Variants in ANKRD26 observed in about 807,000 individuals in gnomAD.
The protein encoded by ANKRD26 is ankyrin repeat domain 26, also known as ankyrin repeat domain-containing protein 26.
In ANKRD26, 141 loss-of-function variants were observed where a neutral mutation model predicts 208.7. That is an observed-to-expected ratio of 0.68 (90% CI 0.59 to 0.78). The LOEUF is 0.78. ANKRD26 is among the 30% of genes least tolerant of loss of function. The probability of loss-of-function intolerance (pLI) is 0.00; values close to 1 mark genes in which losing one functional copy is unlikely to be tolerated. For missense variants in ANKRD26, 1,889 were observed against 1,938.7 expected (o/e 0.97, Z 0.48); for synonymous variants, 636 against 660.4 (o/e 0.96, Z 0.57).
chr10:26,972,166 C>T (rs12260834), downstream of ANKRD26, among the ~76,000 whole-genome samples: 7,935 of 148,646 alleles, frequency 0.053, 678 homozygotes, highest in African/African-American at 0.18. Flanking sequence ...TCCCGGGAGG[C>T]GGAGCTTGCA....
At chr10:26,989,577 T>C (rs2052449699), downstream of ANKRD26, among the ~76,000 whole-genome samples, 1 of 152,206 alleles carries the variant, frequency 6.6e-6, no homozygotes, top group Non-Finnish European at 1.5e-5. Context: ...TTCTTTATGC[T>C]TCGCAACTCA....
intron 12 of ANKRD26, chr10:27,062,246 C>T: frequency 2.1e-6 from 2 of 966,824 alleles, no homozygotes; most frequent in Non-Finnish European, 2.5e-6. Context: ...ATTTCTCCAT[C>T]TCTTTGTTTC....
chr10:26,972,816 G>A (rs541585815), downstream of ANKRD26, among the ~76,000 whole-genome samples: 3 of 151,776 alleles, frequency 2.0e-5, no homozygotes, highest in African/African-American at 7.3e-5. Flanking sequence ...GGTCTCGATC[G>A]CCTGACCTTG....
Position 27,097,681 on chromosome 10 carries a change from G to A in ANKRD26, c.242+2404C>T, listed in dbSNP as rs575095045. ...TTTTGTTTTTTTGAGATGGAGTCTC[G>A]CTCTGTCACCCAGGGTGGATTGCAG... On this transcript the variant is annotated intron_variant, in intron 1 of 33. Transcript: ENST00000376087. Among the ~76,000 whole-genome samples the A allele has an allele frequency of 2.0e-4, 31 of 151,494 alleles. No homozygotes were observed. In the South Asian group the frequency reaches 5.0e-3, roughly 25 times the overall value.
At chr10:26,988,489 A>T (rs2052426681), downstream of ANKRD26, among the ~76,000 whole-genome samples, 1 of 152,156 alleles carries the variant, frequency 6.6e-6, no homozygotes, top group Non-Finnish European at 1.5e-5. Flanking sequence ...GAGTCCTCTA[A>T]ATCACACTTT....
intron 20 of ANKRD26, among the ~76,000 whole-genome samples, 183 bp downstream of exon 20, chr10:27,043,243 A>G (rs1206463230): frequency 6.6e-6 from 1 of 152,166 alleles, no homozygotes; most frequent in East Asian, 1.9e-4. Flanking sequence ...CAAAAAATAT[A>G]GCTAATAAAG....
At chr10:27,060,274 T>C in intron 15 of ANKRD26, 71 bp downstream of exon 15, 1 of 1,324,258 alleles carries the variant, frequency 7.6e-7, no homozygotes, top group African/African-American at 1.5e-5. Flanking sequence ...AAGAAAACTG[T>C]GAGCATTTCA....
In ANKRD26 at chr10:27,004,888, T is replaced by C. The variant is rs2052815885; in HGVS notation, c.*702A>G. The C allele has an allele frequency of 3.8e-6, 1 of 264,116 alleles. No individual in the cohort carries two copies. Among genetic ancestry groups the C allele is most frequent in the Non-Finnish European group, 5.9e-6 (1 of 170,622 alleles). 16.4% of individuals were successfully genotyped at this position (264,116 alleles called of 1,614,324 possible). On this transcript the variant is annotated 3_prime_UTR_variant, in exon 34 of 34. Transcript: ENST00000376087. ...GAATGTATTAATGTTGACTTTCTGA[T>C]TGCAAGGTTTGCACTGTAGTTATGT...
chr10:27,017,613 T>C lies in ANKRD26; in HGVS notation c.4395A>G (p.Ile1465Met), dbSNP rs1296048391. 4 of 1,613,562 alleles carry C rather than the reference T, an allele frequency of 2.5e-6. No homozygotes were observed. In the African/African-American group the frequency reaches 4.0e-5, roughly 16 times the overall value. ...GACCAAGTTCTACCATATTCCTTTC[T>C]ATATGACTTCTCAGGTTGATCACTT... ...EQEVINLRSHIERNMVELGQV... is the reference protein window; with the variant it reads ...EQEVINLRSHMERNMVELGQV... The change falls in exon 30 of 34, where the codon ATA (isoleucine) becomes ATG (methionine). Residue 1465 changes from isoleucine to methionine, a missense_variant. Transcript: ENST00000376087.
intron 27 of ANKRD26, among the ~76,000 whole-genome samples, chr10:27,027,159 G>A (rs200098914): frequency 6.6e-6 from 1 of 152,218 alleles, no homozygotes; most frequent in East Asian, 1.9e-4. Flanking sequence ...TAGGAGCACT[G>A]TGTTATTCTG....
chr10:27,039,175 C>T (rs1017305001), intron 21 of ANKRD26, among the ~76,000 whole-genome samples: 8 of 151,892 alleles, frequency 5.3e-5, no homozygotes, highest in African/African-American at 1.5e-4. Flanking sequence ...TTGTTCTGGC[C>T]GGGAACGGTG....
At chr10:26,959,670 G>T in the ANKRD26 span, among the ~76,000 whole-genome samples, 1 of 150,780 alleles carries the variant, frequency 6.6e-6, no homozygotes, top group African/African-American at 2.4e-5. Flanking sequence ...AGTAGAGACG[G>T]GGTTTCACCA....
rs1328329029 is a variant in ANKRD26, at chr10:27,061,320, A to G, written c.1364-78T>C. The G allele has an allele frequency of 4.5e-6, 4 of 894,336 alleles. No homozygotes were observed. In the South Asian group the frequency reaches 6.1e-5, roughly 14 times the overall value. 55.4% of individuals were successfully genotyped at this position (894,336 alleles called of 1,614,324 possible). ...AAAAATTTAATTGCCACAGAATTAG[A>G]TATTAATAACATTTTATATTTCAAA... On this transcript the variant is annotated intron_variant, in intron 12 of 33. Coordinates refer to ENST00000376087, the MANE Select transcript of ANKRD26 (RefSeq NM_014915.3).
chr10:26,949,510 AATTT>A, the ANKRD26 span, among the ~76,000 whole-genome samples: 5 of 151,804 alleles, frequency 3.3e-5, no homozygotes, highest in African/African-American at 1.2e-4. Context: ...TTTATTTATT[AATTT>A]ATTTATTTTT....
chr10:27,087,540 C>A (rs2056163772), intron 4 of ANKRD26, among the ~76,000 whole-genome samples: 1 of 152,184 alleles, frequency 6.6e-6, no homozygotes, highest in Admixed American at 6.5e-5. Flanking sequence ...TTTCCAATCC[C>A]AGTGAATTTC....
intron 16 of ANKRD26, among the ~76,000 whole-genome samples, chr10:27,052,512 A>G (rs1388925892): frequency 6.6e-6 from 1 of 151,990 alleles, no homozygotes; most frequent in Non-Finnish European, 1.5e-5. Flanking sequence ...GAAAGTTTAA[A>G]TTATTAGGAG....
intron 9 of ANKRD26, among the ~76,000 whole-genome samples, chr10:27,071,159 A>ATTTT (rs71386906): frequency 0.011 from 985 of 85,824 alleles, 60 homozygotes; most frequent in African/African-American, 0.036. Flanking sequence ...TGCTACATTC[A>ATTTT]TTTTTTTTTT....
At chr10:27,085,235 G>T (rs1328103446) in intron 5 of ANKRD26, among the ~76,000 whole-genome samples, 1 of 151,882 alleles carries the variant, frequency 6.6e-6, no homozygotes, top group Non-Finnish European at 1.5e-5. Flanking sequence ...TGAGTAGCTG[G>T]GGTTACAGGT....
rs561085344 is a variant in ANKRD26 at position 27,081,877 on chromosome 10, T to C, written c.740+926A>G. 1.3e-4 allele frequency among the ~76,000 whole-genome samples: 19 copies of C among 151,918 alleles called. No individual in the cohort carries two copies. The South Asian group carries it at 2.9e-3, about 23-fold the overall frequency. ...CTCAGCCTCCTGAGTACTGGGACTA[T>C]AGGCGTGCGCCACCACGCCTGGCTA... On this transcript the variant is annotated intron_variant, in intron 6 of 33. Coordinates refer to ENST00000376087, the MANE Select transcript of ANKRD26 (RefSeq NM_014915.3).
Sources: gnomAD v4.1 joint callset for allele counts (sites outside exome capture counted in the v4.1 genomes callset) on GRCh38, gnomAD v4.1.1 for gene constraint, MANE v1.5 for transcripts, NCBI Gene and HGNC (gene_info 2026-07-23, HGNC 2026-07-21) for gene names.